The following GRM5 variants were observed in gnomAD, a reference collection of about 807,000 sequenced individuals.
GRM5 encodes metabotropic glutamate receptor 5.
A neutral mutation model predicts 83.1 loss-of-function variants in GRM5; 19 were observed. The observed-to-expected ratio is 0.23, with a 90% CI of 0.16 to 0.34. GRM5 has a LOEUF of 0.34. Among genes scored for constraint, GRM5 ranks in the 10% least tolerant of loss-of-function variants. The probability of loss-of-function intolerance (pLI) is 1.00; values close to 1 mark genes in which losing one functional copy is unlikely to be tolerated. For synonymous variants in GRM5, 675 were observed against 633.6 expected, an observed-to-expected ratio of 1.07 and a Z score of -0.98; for missense variants, 1,160 against 1,588.3, an observed-to-expected ratio of 0.73 and a Z score of 4.58.
chr11:88,854,648 G>A (rs1480684787), intron 2 of GRM5, among the ~76,000 whole-genome samples: 4 of 151,868 alleles, frequency 2.6e-5, no homozygotes, highest in East Asian at 3.9e-4. Context: ...GGTCAGGAAG[G>A]GAGTAAGGGT....
intron 3 of GRM5, among the ~76,000 whole-genome samples, chr11:88,756,848 G>A (rs1942404777): frequency 6.6e-6 from 1 of 152,056 alleles, no homozygotes; most frequent in Non-Finnish European, 1.5e-5. Context: ...AGAAGAATAA[G>A]AGAAAGGATG....
intron 3 of GRM5, among the ~76,000 whole-genome samples, chr11:88,690,608 A>T (rs1940759138): frequency 1.3e-5 from 2 of 152,174 alleles, no homozygotes; most frequent in African/African-American, 4.8e-5. Context: ...AACTGCTGAG[A>T]GTGCCTATTT....
At chr11:88,707,461 T>C (rs1311850604) in intron 3 of GRM5, among the ~76,000 whole-genome samples, 3 of 152,276 alleles carry the variant, frequency 2.0e-5, no homozygotes, top group South Asian at 2.1e-4. Flanking sequence ...CCATATATTT[T>C]TCTCTGCATC....
intron 3 of GRM5, among the ~76,000 whole-genome samples, chr11:88,729,624 C>G (rs1405128844): frequency 1.3e-5 from 2 of 152,116 alleles, no homozygotes; most frequent in African/African-American, 2.4e-5. Context: ...TGACTACAAG[C>G]TATACTACAA....
chr11:88,875,571 G>A (rs1448533535), intron 2 of GRM5, among the ~76,000 whole-genome samples: 3 of 152,106 alleles, frequency 2.0e-5, no homozygotes, highest in African/African-American at 7.2e-5. Flanking sequence ...TCCTTTCCCA[G>A]AGATTTTCAA....
At chr11:88,697,742 A>C (rs1940935236) in intron 3 of GRM5, among the ~76,000 whole-genome samples, 1 of 152,234 alleles carries the variant, frequency 6.6e-6, no homozygotes, top group South Asian at 2.1e-4. Context: ...ACAATTCAAA[A>C]ATCAGGGATC....
intron 3 of GRM5, among the ~76,000 whole-genome samples, chr11:88,844,531 CT>C (rs35535064): frequency 0.57 from 86,455 of 151,960 alleles, 25,298 homozygotes; most frequent in South Asian, 0.79. Flanking sequence ...ATTCTTCAGC[CT>C]ATGAATCAAC....
chr11:88,863,900 T>C (rs1204360644), intron 2 of GRM5, among the ~76,000 whole-genome samples: 1 of 151,702 alleles, frequency 6.6e-6, no homozygotes, highest in Non-Finnish European at 1.5e-5. Flanking sequence ...CTCTGTCATA[T>C]TTTCAGTTAC....
chr11:88,509,270 T>A lies in GRM5; in HGVS notation c.2961A>T (p.Pro987=). The change falls in exon 10 of 10, where the codon CCA becomes CCT. Residue 987 remains proline, a synonymous_variant. Transcript: ENST00000305447. ...CGGCGTCTGGGGACTCGGGCCCGCC[T>A]GGGCCGGCGCCTGCGCAGCCCGCAC... The part of the protein sequence containing the change: ...TGGAGCAGAG[P]GGPESPDAGP... 6.8e-7 allele frequency: 1 copy of A among 1,469,612 alleles called. No homozygotes were observed. Among genetic ancestry groups the A allele is most frequent in the Non-Finnish European group, 9.0e-7 (1 of 1,115,190 alleles). 91.0% of individuals were successfully genotyped at this position (1,469,612 alleles called of 1,614,324 possible). A position where few individuals can be genotyped will look rare whatever the true frequency, so the allele number is the denominator to read the frequency against.
At chr11:88,585,779 A>C (rs1424562395) in intron 7 of GRM5, among the ~76,000 whole-genome samples, 1 of 152,144 alleles carries the variant, frequency 6.6e-6, no homozygotes, top group African/African-American at 2.4e-5. Flanking sequence ...AATTATCTCC[A>C]TGAGGGCAGG....
At chr11:88,733,987 C>T (rs1941859353) in intron 3 of GRM5, among the ~76,000 whole-genome samples, 4 of 151,908 alleles carry the variant, frequency 2.6e-5, no homozygotes, top group Admixed American at 2.6e-4. Flanking sequence ...AGACCATGAA[C>T]AGTATTTACC....
At chr11:88,628,478 T>C (rs1938869931) in intron 4 of GRM5, among the ~76,000 whole-genome samples, 1 of 152,258 alleles carries the variant, frequency 6.6e-6, no homozygotes, top group South Asian at 2.1e-4. Context: ...ATTTAATATC[T>C]GCTCTGATAG....
chr11:88,723,899 G>T (rs554805608), intron 3 of GRM5, among the ~76,000 whole-genome samples: 1 of 151,978 alleles, frequency 6.6e-6, no homozygotes, highest in African/African-American at 2.4e-5. Context: ...TAGATTCAGG[G>T]AGTACATGTG....
Position 88,780,327 on chromosome 11 carries a change from T to C in GRM5, c.911+69579A>G, listed in dbSNP as rs142980295. On this transcript the variant is annotated intron_variant, in intron 3 of 9. Transcript: ENST00000305447. ...TGAAAATTTCTAAAATATTTATAAA[T>C]GCAACAAGTGCTTATTCATTTATTT... is the stretch of plus-strand genomic sequence containing the variant. Among the ~76,000 whole-genome samples, 528 of 152,308 alleles carry C rather than the reference T, an allele frequency of 3.5e-3. 2 individuals are homozygous for C. Among genetic ancestry groups the C allele is most frequent in the African/African-American group, 0.012 (504 of 41,570 alleles).
At chr11:88,962,082 T>C (rs982946288) in intron 2 of GRM5, among the ~76,000 whole-genome samples, 1 of 152,208 alleles carries the variant, frequency 6.6e-6, no homozygotes, top group Non-Finnish European at 1.5e-5. Flanking sequence ...GCATAAGTAG[T>C]GCATAAAAAT....
intron 4 of GRM5, among the ~76,000 whole-genome samples, chr11:88,613,715 C>A (rs752790590): frequency 6.6e-6 from 1 of 152,140 alleles, no homozygotes; most frequent in African/African-American, 2.4e-5. Flanking sequence ...AGAATTTGAT[C>A]CTGTTATTGT....
chr11:88,696,832 A>G (rs1276190798), intron 3 of GRM5, among the ~76,000 whole-genome samples: 2 of 152,260 alleles, frequency 1.3e-5, no homozygotes, highest in African/African-American at 4.8e-5. Context: ...TGAATAAGAT[A>G]AATGGAAGAA....
intron 3 of GRM5, among the ~76,000 whole-genome samples, chr11:88,806,557 G>A (rs1943501595): frequency 6.6e-6 from 1 of 152,142 alleles, no homozygotes; most frequent in African/African-American, 2.4e-5. Context: ...ATTTTAGGCA[G>A]TTGATCTCAA....
intron 2 of GRM5, among the ~76,000 whole-genome samples, chr11:88,869,351 A>G (rs316084): frequency 0.99 from 150,017 of 151,608 alleles, 74,246 homozygotes; most frequent in East Asian, 1. Flanking sequence ...AATCATGGAT[A>G]TGCTTTAATT....
Sources: allele counts gnomAD v4.1 joint callset (sites outside exome capture counted in the v4.1 genomes callset), GRCh38; gene constraint gnomAD v4.1.1; transcripts MANE v1.5; gene names NCBI Gene and HGNC (gene_info 2026-07-23, HGNC 2026-07-21).